Variants in LRRC75A observed in about 807,000 individuals in gnomAD.
The protein encoded by LRRC75A is leucine rich repeat containing 75A, also known as leucine-rich repeat-containing protein 75A.
LRRC75A carries 12 observed loss-of-function variants against 26.0 expected under a neutral mutation model. That is an observed-to-expected ratio of 0.46 (90% CI 0.30 to 0.75). The LOEUF is 0.75. Ranked by LOEUF, LRRC75A falls within the 30% of genes least tolerant of loss-of-function variation. The pLI is 0.08. For synonymous variants in LRRC75A, 223 were observed against 219.3 expected (o/e 1.02, Z -0.15); for missense variants, 410 against 486.6 (o/e 0.84, Z 1.48).
At chr17:16,445,228 C>G (rs994702662) in intron 3 of LRRC75A, among the ~76,000 whole-genome samples, 3 of 140,246 alleles carry the variant, frequency 2.1e-5, no homozygotes, top group Non-Finnish European at 4.5e-5. Flanking sequence ...TGCAGTGGCG[C>G]CATTTCTGCT....
At chr17:16,475,648 C>T (rs2093817871) in intron 1 of LRRC75A, among the ~76,000 whole-genome samples, 4 of 152,164 alleles carry the variant, frequency 2.6e-5, no homozygotes, top group Admixed American at 2.0e-4. Context: ...AACTTCTGTA[C>T]TCCTGTAGTC....
chr17:16,453,016 C>T (rs570629902), intron 2 of LRRC75A, among the ~76,000 whole-genome samples: 3 of 152,160 alleles, frequency 2.0e-5, no homozygotes, highest in South Asian at 2.1e-4. Context: ...AGAGGCCGGG[C>T]GCGGTAGTTC....
At chr17:16,454,870 T>G (rs769858158) in intron 2 of LRRC75A, among the ~76,000 whole-genome samples, 2 of 151,866 alleles carry the variant, frequency 1.3e-5, no homozygotes, top group Non-Finnish European at 2.9e-5. Flanking sequence ...GTAATCCTCC[T>G]GTATCAGCCT....
At chr17:16,444,192 T>G in intron 3 of LRRC75A, 61 bp from the exon 4 acceptor site, 1 of 1,369,834 alleles carries the variant, frequency 7.3e-7, no homozygotes, top group Non-Finnish European at 9.8e-7. Flanking sequence ...CCCCAGAAGC[T>G]GCAGTGCCAG....
intron 2 of LRRC75A, among the ~76,000 whole-genome samples, chr17:16,451,017 C>A (rs760834448): frequency 3.9e-5 from 6 of 152,062 alleles, no homozygotes; most frequent in Non-Finnish European, 7.4e-5. Context: ...GCTCACAATA[C>A]CTCCAGCTGT....
At chr17:16,457,115 G>A (rs2093691762) in intron 2 of LRRC75A, among the ~76,000 whole-genome samples, 1 of 105,514 alleles carries the variant, frequency 9.5e-6, no homozygotes, top group Non-Finnish European at 2.3e-5. Context: ...CAGCCATCAG[G>A]CAGTGATACC....
chr17:16,473,912 CTGTGTGTTGTT>C (rs2093813454), intron 1 of LRRC75A, among the ~76,000 whole-genome samples: 2 of 152,198 alleles, frequency 1.3e-5, no homozygotes, highest in South Asian at 4.1e-4. Flanking sequence ...GGCTTCATGA[CTGTGTGTTGTT>C]TGTGTTTTAA....
At chr17:16,457,858 C>T (rs755156220) in intron 2 of LRRC75A, among the ~76,000 whole-genome samples, 1 of 151,882 alleles carries the variant, frequency 6.6e-6, no homozygotes, top group African/African-American at 2.4e-5. Flanking sequence ...CCTGCAGTCC[C>T]AGCTACTTGG....
In LRRC75A at chr17:16,447,871, C is replaced by G. The variant is rs549028561; in HGVS notation, c.465G>C (p.Gly155=). ...SPHSQWRRHR[G]LVKRKPQACL... ...AGGCCTGTGGCTTCCTTTTCACCAG[C>G]CCCCGGTGCCGCCTCCACTGGGAGT... The change falls in exon 3 of 4, where the codon GGG becomes GGC. Residue 155 remains glycine, a synonymous_variant. Transcript: ENST00000470794. 1 of 1,548,184 alleles carries G rather than the reference C, an allele frequency of 6.5e-7. No homozygotes were observed. The highest frequency in any genetic ancestry group is 8.7e-7 in the Non-Finnish European group (1 of 1,145,732).
chr17:16,483,826 A>G (rs987139847), intron 1 of LRRC75A, among the ~76,000 whole-genome samples: 9 of 152,234 alleles, frequency 5.9e-5, no homozygotes, highest in African/African-American at 1.9e-4. Flanking sequence ...AGCTGCTGCC[A>G]TGGTTTTCTC....
At chr17:16,456,128 TAGG>T (rs757712295) in intron 2 of LRRC75A, among the ~76,000 whole-genome samples, 13 of 44,102 alleles carry the variant, frequency 2.9e-4, no homozygotes, top group Admixed American at 7.5e-4. Flanking sequence ...GTAGCAGTAG[TAGG>T]AGGAGGAGGA....
chr17:16,477,022 G>A (rs1308866528), intron 1 of LRRC75A, among the ~76,000 whole-genome samples: 1 of 151,232 alleles, frequency 6.6e-6, no homozygotes, highest in Non-Finnish European at 1.5e-5. Flanking sequence ...ACAGGCGTGA[G>A]CCACTGCGCC....
intron 1 of LRRC75A, among the ~76,000 whole-genome samples, chr17:16,485,669 T>TGTGTGTGTGTG (rs1555893680): frequency 2.9e-4 from 33 of 114,310 alleles, no homozygotes; most frequent in African/African-American, 6.9e-4. Context: ...TGTGTGTGTG[T>TGTGTGTGTGTG]TCGTGTGTGT....
Position 16,458,118 on chromosome 17 carries a change from A to G in LRRC75A, c.375+4140T>C, listed in dbSNP as rs575386577. On this transcript the variant is annotated intron_variant, in intron 2 of 3. Transcript: ENST00000470794. Reference sequence around the variant, plus strand: ...TCAGGAGTTTGAGACCAGGCTGGCCAACATGGTGAAACCCCGTCTCTACTA... The same window carrying G: ...TCAGGAGTTTGAGACCAGGCTGGCCGACATGGTGAAACCCCGTCTCTACTA... 7.7e-4 allele frequency among the ~76,000 whole-genome samples: 117 copies of G among 152,314 alleles called. 1 individual carries two copies. The highest frequency in any genetic ancestry group is 1.2e-3 in the Non-Finnish European group (81 of 68,022).
intron 2 of LRRC75A, among the ~76,000 whole-genome samples, chr17:16,459,089 A>T (rs1192697126): frequency 2.6e-5 from 4 of 152,072 alleles, no homozygotes; most frequent in African/African-American, 7.2e-5. Flanking sequence ...CCTGTCCTCA[A>T]CCCTTTACTA....
intron 1 of LRRC75A, among the ~76,000 whole-genome samples, chr17:16,485,967 T>C (rs574624050): frequency 6.6e-5 from 10 of 152,136 alleles, no homozygotes; most frequent in Admixed American, 3.3e-4. Context: ...GGTGGGGGAA[T>C]ACCCAGGCCC....
intron 2 of LRRC75A, among the ~76,000 whole-genome samples, chr17:16,456,110 G>A: frequency 6.8e-6 from 1 of 147,414 alleles, no homozygotes; most frequent in Admixed American, 6.7e-5. Context: ...GGAGGGGGAG[G>A]AGGAGGAGTA....
rs111832914 is a variant in LRRC75A, at chr17:16,453,356, A to G, written c.376-5396T>C. On this transcript the variant is annotated intron_variant, in intron 2 of 3. Transcript: ENST00000470794. ...CACGCACACACGCACACGCACACAC[A>G]CACACACGAGAACAGAGGACAAGGG... Among the ~76,000 whole-genome samples the G allele has an allele frequency of 7.4e-4, 83 of 111,644 alleles. 1 individual carries two copies. Among genetic ancestry groups the G allele is most frequent in the African/African-American group, 2.5e-3 (77 of 31,318 alleles). The allele number at this position is 111,644 out of a possible 152,430, so 73.2% of individuals were successfully genotyped here.
chr17:16,476,896 G>A (rs977165150), intron 1 of LRRC75A, among the ~76,000 whole-genome samples: 24 of 151,870 alleles, frequency 1.6e-4, no homozygotes, highest in Non-Finnish European at 1.9e-4. Flanking sequence ...CCACCACCAC[G>A]CCTGGCTAAT....
Sources: allele counts gnomAD v4.1 joint callset (sites outside exome capture counted in the v4.1 genomes callset), GRCh38; gene constraint gnomAD v4.1.1; transcripts MANE v1.5; gene names NCBI Gene and HGNC (gene_info 2026-07-23, HGNC 2026-07-21).